PTPRN2: variants seen among roughly 807,000 people sequenced by gnomAD.
PTPRN2 encodes the protein receptor-type tyrosine-protein phosphatase N2.
Under a neutral mutation model 118.8 loss-of-function variants are expected in PTPRN2, and 74 were observed. The ratio of observed to expected loss-of-function variants is 0.62; its 90% CI spans 0.52 to 0.76. The LOEUF (loss-of-function observed/expected upper bound fraction) is 0.76. Among genes scored for constraint, PTPRN2 ranks in the 30% least tolerant of loss-of-function variants. The pLI is 0.00. For missense variants in PTPRN2, 1,481 were observed against 1,394.4 expected (o/e 1.06, Z -0.99); for synonymous variants, 641 against 608.0 (o/e 1.05, Z -0.80).
Position 158,100,657 on chromosome 7 carries a change from G to C in PTPRN2, c.1643+10172C>G, listed in dbSNP as rs982523166. On this transcript the variant is annotated intron_variant, in intron 10 of 22. Transcript: ENST00000389418. ...TTGCATTTCCCTGATCATTAGTGAT[G>C]TTGGGCATTTTTTCATATGTTTGTT... 3.3e-5 allele frequency among the ~76,000 whole-genome samples: 5 copies of C among 152,186 alleles called. No individual in the cohort carries two copies. The East Asian group carries it at 9.6e-4, about 29-fold the overall frequency.
At chr7:158,121,036 C>T (rs1817130509) in intron 9 of PTPRN2, among the ~76,000 whole-genome samples, 1 of 151,978 alleles carries the variant, frequency 6.6e-6, no homozygotes, top group African/African-American at 2.4e-5. Flanking sequence ...CCAGATGAGC[C>T]CTTCCTTTTT....
intron 12 of PTPRN2, among the ~76,000 whole-genome samples, chr7:157,833,375 C>T (rs897450727): frequency 2.0e-5 from 3 of 149,446 alleles, no homozygotes; most frequent in Admixed American, 6.7e-5. Flanking sequence ...ATGGTAAACT[C>T]GTCCAGGAAG....
intron 3 of PTPRN2, among the ~76,000 whole-genome samples, chr7:158,246,249 A>C (rs567563615): frequency 7.9e-5 from 12 of 151,576 alleles, no homozygotes. Flanking sequence ...ACTTGAAAAA[A>C]CTCATCACTT....
chr7:158,213,206 TTGTGTGTGTGTGTGTGTGTGTG>T (rs57665784), intron 3 of PTPRN2, among the ~76,000 whole-genome samples: 2 of 140,426 alleles, frequency 1.4e-5, no homozygotes, highest in Non-Finnish European at 3.1e-5. Context: ...GGCTCTGTGC[TTGTGTGTGTGTGTGTGTGTGTG>T]TGTGTGTGTG....
At chr7:158,417,035 C>A (rs9791851) in intron 2 of PTPRN2, among the ~76,000 whole-genome samples, 66,907 of 151,440 alleles carry the variant, frequency 0.44, 15,837 homozygotes, top group East Asian at 0.76. Flanking sequence ...TCACTGTCCC[C>A]CTGTGCTAAG....
chr7:157,911,163 C>T (rs1315495399), intron 11 of PTPRN2, among the ~76,000 whole-genome samples: 1 of 152,176 alleles, frequency 6.6e-6, no homozygotes, highest in Non-Finnish European at 1.5e-5. Flanking sequence ...TGAACGGGGG[C>T]TGATGCCTGA....
intron 15 of PTPRN2, among the ~76,000 whole-genome samples, chr7:157,608,160 C>G (rs541375670): frequency 1.3e-5 from 2 of 152,160 alleles, no homozygotes; most frequent in Non-Finnish European, 2.9e-5. Context: ...CTCCACCTCT[C>G]GGGTTCAAGT....
At chr7:157,938,434 G>A (rs1184300760) in intron 11 of PTPRN2, among the ~76,000 whole-genome samples, 5 of 152,184 alleles carry the variant, frequency 3.3e-5, no homozygotes, top group Non-Finnish European at 5.9e-5. Context: ...GGAGAGGGCC[G>A]GATGTGAGGG....
intron 10 of PTPRN2, among the ~76,000 whole-genome samples, chr7:158,087,933 T>G (rs62480178): frequency 2.6e-3 from 84 of 32,740 alleles, no homozygotes; most frequent in Admixed American, 6.1e-3. Flanking sequence ...CTTCCCCTGA[T>G]GAAAGAGGGA....
chr7:158,559,854 AT>A (rs1049733441), intron 1 of PTPRN2, among the ~76,000 whole-genome samples: 14 of 152,210 alleles, frequency 9.2e-5, no homozygotes, highest in East Asian at 7.7e-4. Context: ...CCACTTACAT[AT>A]TTTTTTATTG....
Position 157,590,255 on chromosome 7 carries a change from TG to T in PTPRN2, c.2496+4982del, listed in dbSNP as rs1166140088. Among the ~76,000 whole-genome samples the T allele has an allele frequency of 6.6e-6, 1 of 152,112 alleles. No individual in the cohort carries two copies. Among genetic ancestry groups the T allele is most frequent in the African/African-American group, 2.4e-5 (1 of 41,414 alleles). The stretch of plus-strand genomic sequence containing the variant: ...ACAAAATGACACCCTCACCCCAAAA[TG>T]GGTATTCTTTCCTTGAGGGATGTTT... On this transcript the variant is annotated intron_variant, in intron 17 of 22. Transcript: ENST00000389418. The surrounding 1 kb of genome is among the most constrained non-coding windows in gnomAD (Gnocchi z 4.0).
rs943610174 is a variant in PTPRN2 at position 158,022,429 on chromosome 7, G to A, written c.1723+58869C>T. Reference sequence around the variant, plus strand: ...CTGAGGGAAGACCAGCGCAGCCCATGATGTGTTCACAGCCAAGGCCCCGGC... The same window carrying A: ...CTGAGGGAAGACCAGCGCAGCCCATAATGTGTTCACAGCCAAGGCCCCGGC... On this transcript the variant is annotated intron_variant, in intron 11 of 22. Coordinates refer to ENST00000389418, the MANE Select transcript of PTPRN2 (RefSeq NM_002847.5). This position sits in a 1 kb window ranked among gnomAD's most constrained non-coding sequence, Gnocchi z 4.6. Among the ~76,000 whole-genome samples, 1 of 152,058 alleles carries A rather than the reference G, an allele frequency of 6.6e-6. No homozygotes were observed. Among genetic ancestry groups the A allele is most frequent in the African/African-American group, 2.4e-5 (1 of 41,388 alleles).
At chr7:158,446,933 C>G (rs1032322074) in intron 2 of PTPRN2, among the ~76,000 whole-genome samples, 32 of 152,116 alleles carry the variant, frequency 2.1e-4, no homozygotes, top group African/African-American at 7.7e-4. Flanking sequence ...TCACGGCATC[C>G]GTCACTTTCG....
At chr7:157,899,736 T>C (rs1217540780) in intron 11 of PTPRN2, among the ~76,000 whole-genome samples, 1 of 152,208 alleles carries the variant, frequency 6.6e-6, no homozygotes, top group Non-Finnish European at 1.5e-5. Flanking sequence ...GGCCTCTCCA[T>C]TGTCTTATGG....
chr7:158,169,501 A>T (rs36021156), intron 5 of PTPRN2, among the ~76,000 whole-genome samples: 1 of 150,510 alleles, frequency 6.6e-6, no homozygotes, highest in East Asian at 2.0e-4. Flanking sequence ...GGCTGGTCTC[A>T]AACTCCTGGC....
chr7:157,643,750 C>CAGCCAGGAAG (rs1181222160), intron 14 of PTPRN2, among the ~76,000 whole-genome samples: 2 of 152,350 alleles, frequency 1.3e-5, no homozygotes, highest in African/African-American at 4.8e-5. Flanking sequence ...GGCCAGGCTC[C>CAGCCAGGAAG]AGCCAGGAAG....
intron 12 of PTPRN2, among the ~76,000 whole-genome samples, chr7:157,843,177 G>A (rs1808559570): frequency 1.3e-5 from 2 of 152,220 alleles, no homozygotes; most frequent in Admixed American, 1.3e-4. Flanking sequence ...GCCTTCAAAT[G>A]TGTGAGAACC....
intron 2 of PTPRN2, among the ~76,000 whole-genome samples, chr7:158,451,637 T>C (rs1164760605): frequency 6.6e-6 from 1 of 152,190 alleles, no homozygotes; most frequent in Non-Finnish European, 1.5e-5. Flanking sequence ...AACTCCGTCT[T>C]GAAGATGAAC....
intron 13 of PTPRN2, among the ~76,000 whole-genome samples, chr7:157,657,271 CCA>C (rs369172623): frequency 0.16 from 8,923 of 55,788 alleles, 2,095 homozygotes; most frequent in Non-Finnish European, 0.18. Context: ...CACACATACA[CCA>C]CACACACACC....
Sources: allele counts gnomAD v4.1 joint callset (sites outside exome capture counted in the v4.1 genomes callset), GRCh38; gene constraint gnomAD v4.1.1; non-coding constraint Gnocchi (gnomAD v3.1); transcripts MANE v1.5; gene names NCBI Gene and HGNC (gene_info 2026-07-23, HGNC 2026-07-21).